The following DMRT1 variants were observed in gnomAD, a reference collection of about 807,000 sequenced individuals.
DMRT1 encodes the protein doublesex- and mab-3-related transcription factor 1.
DMRT1 carries 7 observed loss-of-function variants against 32.3 expected under a neutral mutation model. The ratio of observed to expected loss-of-function variants is 0.22; its 90% CI spans 0.12 to 0.41. DMRT1 has a LOEUF of 0.41. Among genes scored for constraint, DMRT1 ranks in the 10% least tolerant of loss-of-function variants. The probability of loss-of-function intolerance (pLI) is 1.00; values close to 1 mark genes in which losing one functional copy is unlikely to be tolerated. For missense variants in DMRT1, 625 were observed against 500.5 expected (o/e 1.25, Z -2.37); for synonymous variants, 278 against 206.1 (o/e 1.35, Z -2.99).
intron 4 of DMRT1, among the ~76,000 whole-genome samples, chr9:923,477 A>AGTGTT (rs79940899): frequency 0.79 from 120,406 of 151,838 alleles, 47,873 homozygotes; most frequent in South Asian, 0.9. Context: ...AGGCCACACC[A>AGTGTT]GTGAGGATGA....
intron 2 of DMRT1, among the ~76,000 whole-genome samples, chr9:852,441 G>C (rs913579672): frequency 6.8e-6 from 1 of 147,812 alleles, no homozygotes; most frequent in African/African-American, 2.5e-5. Flanking sequence ...TTAAATCTCA[G>C]GTCTTCTTCC....
At chr9:903,631 A>G (rs911185298) in intron 3 of DMRT1, among the ~76,000 whole-genome samples, 5 of 152,200 alleles carry the variant, frequency 3.3e-5, no homozygotes, top group African/African-American at 9.7e-5. Flanking sequence ...CTGAGCCCAG[A>G]CAGATGGTGA....
intron 2 of DMRT1, among the ~76,000 whole-genome samples, chr9:860,425 A>G (rs1815607430): frequency 6.6e-6 from 1 of 152,168 alleles, no homozygotes; most frequent in Non-Finnish European, 1.5e-5. Context: ...TCTGCTGGAG[A>G]GTTTGCTGTC....
At chr9:873,087 T>C (rs1816343057) in intron 2 of DMRT1, among the ~76,000 whole-genome samples, 1 of 152,196 alleles carries the variant, frequency 6.6e-6, no homozygotes, top group Non-Finnish European at 1.5e-5. Flanking sequence ...AGGTGACATC[T>C]AAAATTAACC....
At chr9:919,418 C>CGGGGGGG in intron 4 of DMRT1, among the ~76,000 whole-genome samples, 1 of 27,252 alleles carries the variant, frequency 3.7e-5, no homozygotes, top group Non-Finnish European at 8.3e-5. Context: ...GAATGTTGGG[C>CGGGGGGG]GGGGGGAGGG....
At chr9:882,493 T>C (rs958642606) in intron 2 of DMRT1, among the ~76,000 whole-genome samples, 14 of 152,168 alleles carry the variant, frequency 9.2e-5, no homozygotes, top group African/African-American at 3.4e-4. Flanking sequence ...GTCCTTTACA[T>C]TCTCCTTTGC....
chr9:963,467 A>AT (rs1819839879), intron 4 of DMRT1, among the ~76,000 whole-genome samples: 1 of 152,056 alleles, frequency 6.6e-6, no homozygotes, highest in African/African-American at 2.4e-5. Context: ...CCAAAGGGCT[A>AT]TTTTTTTCTC....
chr9:880,673 C>G (rs1387761940), intron 2 of DMRT1, among the ~76,000 whole-genome samples: 1 of 143,022 alleles, frequency 7.0e-6, no homozygotes, highest in Non-Finnish European at 1.5e-5. Context: ...TTGCAGTGAG[C>G]TGAGATTGTG....
At chr9:919,344 A>C (rs996615898) in intron 4 of DMRT1, among the ~76,000 whole-genome samples, 6 of 150,580 alleles carry the variant, frequency 4.0e-5, no homozygotes, top group African/African-American at 1.5e-4. Flanking sequence ...TCATCTAAAA[A>C]AATGAACCCA....
Position 841,736 on chromosome 9 carries a change from G to A in DMRT1, c.-103G>A, listed in dbSNP as rs1256586875. 15 of 1,546,062 alleles carry A rather than the reference G, an allele frequency of 9.7e-6. No homozygotes were observed. The South Asian group carries it at 1.8e-4, about 18-fold the overall frequency. On this transcript the variant is annotated 5_prime_UTR_variant, in exon 1 of 5. Transcript: ENST00000382276. ...TCCGGCTGCAGCGCACACGTCTCCT[G>A]CGCCTCCTCCTCCGGAGCGTCGCTG...
intron 2 of DMRT1, among the ~76,000 whole-genome samples, chr9:887,168 C>A (rs551761895): frequency 6.6e-6 from 1 of 152,318 alleles, no homozygotes; most frequent in African/African-American, 2.4e-5. Context: ...CACTGCACTC[C>A]AGCCTGGGAA....
chr9:963,287 G>A (rs1458528548), intron 4 of DMRT1, among the ~76,000 whole-genome samples: 2 of 152,122 alleles, frequency 1.3e-5, no homozygotes, highest in Non-Finnish European at 2.9e-5. Context: ...CTTCAAAACC[G>A]ATACTCGATT....
chr9:871,000 G>A (rs1281048130), intron 2 of DMRT1, among the ~76,000 whole-genome samples: 3 of 151,792 alleles, frequency 2.0e-5, no homozygotes, highest in Admixed American at 2.0e-4. Context: ...GAGCCATTGT[G>A]CCCATACATT....
intron 2 of DMRT1, among the ~76,000 whole-genome samples, chr9:869,890 T>C (rs1372983184): frequency 6.6e-6 from 1 of 152,210 alleles, no homozygotes; most frequent in African/African-American, 2.4e-5. Context: ...AAGTCCTGTG[T>C]ATTCTGTGGA....
intron 3 of DMRT1, among the ~76,000 whole-genome samples, chr9:909,862 A>G (rs61167265): frequency 0.041 from 6,302 of 152,132 alleles, 332 homozygotes; most frequent in East Asian, 0.17. Context: ...ACAGGTGTGC[A>G]CCACCATGCC....
chr9:896,966 A>G (rs1817391967), intron 3 of DMRT1, among the ~76,000 whole-genome samples: 1 of 152,002 alleles, frequency 6.6e-6, no homozygotes, highest in Non-Finnish European at 1.5e-5. Flanking sequence ...AATTGAAGTC[A>G]TTCCACTTTT....
rs1366585027 is a variant in DMRT1 at position 882,788 on chromosome 9, G to A, written c.539-11124G>A. On this transcript the variant is annotated intron_variant, in intron 2 of 4. Transcript: ENST00000382276. ...TTTTTTTTTTTTTTTTTGTCTGTCT[G>A]AGACAGTCTCACTCACTCTGTTGCC... Among the ~76,000 whole-genome samples, 5 of 115,502 alleles carry A rather than the reference G, an allele frequency of 4.3e-5. No individual in the cohort carries two copies. In the South Asian group the frequency reaches 1.2e-3, roughly 27 times the overall value. 75.8% of individuals were successfully genotyped at this position (115,502 alleles called of 152,430 possible). A position where few individuals can be genotyped will look rare whatever the true frequency, so the allele number is the denominator to read the frequency against.
At chr9:861,804 G>GC (rs1349399028) in intron 2 of DMRT1, among the ~76,000 whole-genome samples, 1 of 44,048 alleles carries the variant, frequency 2.3e-5, no homozygotes, top group African/African-American at 7.7e-5. Flanking sequence ...CGGCTGCCGG[G>GC]CGGGGGGGGG....
At position 954,920 on chromosome 9, in the gene DMRT1, A is replaced by G. The variant is rs186251433; in HGVS notation, c.968-13065A>G. Among the ~76,000 whole-genome samples, 548 of 152,292 alleles carry G rather than the reference A, an allele frequency of 3.6e-3. 4 individuals are homozygous for G. Among genetic ancestry groups the G allele is most frequent in the African/African-American group, 0.012 (507 of 41,570 alleles). On this transcript the variant is annotated intron_variant, in intron 4 of 4. Transcript: ENST00000382276. ...CTCCCAAAGTGCTGGGATTACAGGC[A>G]TGAGCCACTCCGCCTGGCCGTTCGT... is the stretch of plus-strand genomic sequence containing the variant.
Sources: allele counts gnomAD v4.1 joint callset (sites outside exome capture counted in the v4.1 genomes callset), GRCh38; gene constraint gnomAD v4.1.1; transcripts MANE v1.5; gene names NCBI Gene and HGNC (gene_info 2026-07-23, HGNC 2026-07-21).